The following TMEM132D variants were observed in gnomAD, a reference collection of about 807,000 sequenced individuals.
TMEM132D encodes the protein mature OL transmembrane protein.
In TMEM132D, 21 loss-of-function variants were observed where a neutral mutation model predicts 62.3. The observed-to-expected ratio is 0.34, with a 90% CI of 0.24 to 0.49. The LOEUF (loss-of-function observed/expected upper bound fraction) is 0.49, where lower values mean the gene tolerates loss of function less well. Ranked by LOEUF, TMEM132D falls within the 20% of genes least tolerant of loss-of-function variation. The probability of loss-of-function intolerance (pLI) is 0.99; values close to 1 mark genes in which losing one functional copy is unlikely to be tolerated. For synonymous variants in TMEM132D, 621 were observed against 575.6 expected (o/e 1.08, Z -1.13); for missense variants, 1,346 against 1,402.8 (o/e 0.96, Z 0.65).
intron 6 of TMEM132D, among the ~76,000 whole-genome samples, chr12:129,083,844 C>T (rs2135618742): frequency 6.6e-6 from 1 of 152,168 alleles, no homozygotes; most frequent in East Asian, 1.9e-4. Flanking sequence ...TTACATGGTA[C>T]TCATGTGGTT....
chr12:129,572,137 C>T (rs376750441), intron 2 of TMEM132D, among the ~76,000 whole-genome samples: 2 of 152,222 alleles, frequency 1.3e-5, no homozygotes, highest in Admixed American at 6.5e-5. Context: ...TTCCCGACAG[C>T]GCACAGTGGA....
intron 4 of TMEM132D, among the ~76,000 whole-genome samples, chr12:129,272,236 C>A (rs1880874135): frequency 2.6e-5 from 4 of 151,776 alleles, no homozygotes; most frequent in African/African-American, 9.7e-5. Context: ...AATGCAGGAT[C>A]CTAGGCCCAC....
intron 5 of TMEM132D, among the ~76,000 whole-genome samples, chr12:129,163,986 G>T (rs1291822935): frequency 6.6e-6 from 1 of 152,198 alleles, no homozygotes; most frequent in Non-Finnish European, 1.5e-5. Context: ...GTTCAAGTGC[G>T]TGACACCAAA....
chr12:129,455,136 G>A (rs994540550), intron 3 of TMEM132D, among the ~76,000 whole-genome samples: 6 of 152,230 alleles, frequency 3.9e-5, no homozygotes, highest in Non-Finnish European at 8.8e-5. Context: ...CAATAAGCAT[G>A]CTATTAGGTT....
At position 129,072,624 on chromosome 12, in the gene TMEM132D, G is replaced by C. The variant is rs1874109092; in HGVS notation, c.*1251C>G. On this transcript the variant is annotated 3_prime_UTR_variant, in exon 9 of 9. Coordinates refer to ENST00000422113, the MANE Select transcript of TMEM132D (RefSeq NM_133448.3). ...ATGAAGAAGGTTTCTGTGCTGTCCG[G>C]TGTGTGTGAGGCTGGGCTTCCTGCT... is the stretch of plus-strand genomic sequence containing the variant. 1 of 152,368 alleles carries C rather than the reference G, an allele frequency of 6.6e-6. No individual in the cohort carries two copies. Among genetic ancestry groups the C allele is most frequent in the Non-Finnish European group, 1.5e-5 (1 of 68,226 alleles). The allele number at this position is 152,368 out of a possible 1,614,324, so 9.4% of individuals were successfully genotyped here.
chr12:129,406,490 T>G (rs562720514), intron 3 of TMEM132D, among the ~76,000 whole-genome samples: 5 of 151,878 alleles, frequency 3.3e-5, no homozygotes, highest in Non-Finnish European at 5.9e-5. Flanking sequence ...TGTGGTGGCA[T>G]GTGCCTGTAA....
At chr12:129,812,702 C>T (rs1164875171) in intron 1 of TMEM132D, among the ~76,000 whole-genome samples, 1 of 151,706 alleles carries the variant, frequency 6.6e-6, no homozygotes, top group Non-Finnish European at 1.5e-5. Context: ...ATCTATAATG[C>T]CACAAATTCT....
intron 3 of TMEM132D, among the ~76,000 whole-genome samples, chr12:129,450,061 G>A (rs139106526): frequency 2.0e-5 from 3 of 152,136 alleles, no homozygotes; most frequent in East Asian, 3.9e-4. Context: ...ACTTCTGCAC[G>A]GGTTTTTTTC....
chr12:129,460,186 A>G (rs917140923), intron 3 of TMEM132D, among the ~76,000 whole-genome samples: 1 of 152,094 alleles, frequency 6.6e-6, no homozygotes, highest in African/African-American at 2.4e-5. Context: ...AGTGACCCCA[A>G]ATGTTAACTT....
intron 3 of TMEM132D, among the ~76,000 whole-genome samples, chr12:129,434,857 C>A (rs1593007243): frequency 6.6e-6 from 1 of 152,112 alleles, no homozygotes; most frequent in East Asian, 1.9e-4. Context: ...TTGAAATATA[C>A]ACTACACTAT....
At chr12:129,336,719 G>A (rs898118000) in intron 4 of TMEM132D, among the ~76,000 whole-genome samples, 4 of 152,296 alleles carry the variant, frequency 2.6e-5, no homozygotes, top group Middle Eastern at 3.4e-3. Flanking sequence ...GGGTTTAGAA[G>A]AGGCAACAGC....
At chr12:129,260,106 G>T (rs1039733732) in intron 4 of TMEM132D, among the ~76,000 whole-genome samples, 1 of 152,192 alleles carries the variant, frequency 6.6e-6, no homozygotes, top group Non-Finnish European at 1.5e-5. Context: ...AATGAAAGAG[G>T]AAAGAGTCTA....
chr12:129,629,996 A>G (rs1879313776), intron 2 of TMEM132D, among the ~76,000 whole-genome samples: 1 of 152,234 alleles, frequency 6.6e-6, no homozygotes, highest in South Asian at 2.1e-4. Context: ...TGCAGGTAGC[A>G]GGAAGTTGAT....
intron 3 of TMEM132D, among the ~76,000 whole-genome samples, chr12:129,372,941 G>T (rs1015971640): frequency 6.6e-6 from 1 of 152,136 alleles, no homozygotes; most frequent in African/African-American, 2.4e-5. Context: ...CCACGAAACT[G>T]GTTCCTGGTG....
intron 1 of TMEM132D, among the ~76,000 whole-genome samples, chr12:129,755,115 A>G (rs1870122765): frequency 6.6e-6 from 1 of 152,362 alleles, no homozygotes; most frequent in Middle Eastern, 3.4e-3. Flanking sequence ...GCTATTTGCC[A>G]CTGGATTGGA....
chr12:129,160,230 G>T (rs947807018), intron 5 of TMEM132D, among the ~76,000 whole-genome samples: 7 of 152,176 alleles, frequency 4.6e-5, no homozygotes, highest in African/African-American at 1.7e-4. Flanking sequence ...ATTTTTCACA[G>T]AATTCAATTC....
intron 1 of TMEM132D, among the ~76,000 whole-genome samples, chr12:129,824,835 C>A (rs1872621369): frequency 6.6e-6 from 1 of 152,184 alleles, no homozygotes; most frequent in Non-Finnish European, 1.5e-5. Context: ...GAGGATCCTG[C>A]TGTCTCATCA....
At position 129,876,439 on chromosome 12, in the gene TMEM132D, T is replaced by C. The variant is rs576029225; in HGVS notation, c.79+26822A>G. ...TGATGGCTAAGGATTATTGGTTGAC[T>C]GTGATTTCTCTACAGTAATCTCCAC... On this transcript the variant is annotated intron_variant, in intron 1 of 8. Coordinates refer to ENST00000422113, the MANE Select transcript of TMEM132D (RefSeq NM_133448.3). 3.9e-5 allele frequency among the ~76,000 whole-genome samples: 6 copies of C among 152,354 alleles called. No homozygotes were observed. In the South Asian group the frequency reaches 1.2e-3, roughly 32 times the overall value.
At chr12:129,314,440 T>C (rs1426606347) in intron 4 of TMEM132D, among the ~76,000 whole-genome samples, 1 of 152,220 alleles carries the variant, frequency 6.6e-6, no homozygotes, top group Non-Finnish European at 1.5e-5. Context: ...TTTGGGTTTA[T>C]TTCTGGGTTC....
Sources: allele counts gnomAD v4.1 joint callset (sites outside exome capture counted in the v4.1 genomes callset), GRCh38; gene constraint gnomAD v4.1.1; transcripts MANE v1.5; gene names NCBI Gene and HGNC (gene_info 2026-07-23, HGNC 2026-07-21).